DOCK3: variants seen among roughly 807,000 people sequenced by gnomAD.
DOCK3 encodes dedicator of cytokinesis protein 3.
Under a neutral mutation model 265.6 loss-of-function variants are expected in DOCK3, and 60 were observed. That is an observed-to-expected ratio of 0.23 (90% confidence interval 0.18 to 0.28). The LOEUF is 0.28. Ranked by LOEUF, DOCK3 falls within the 10% of genes least tolerant of loss-of-function variation. The pLI is 1.00. For synonymous variants in DOCK3, 881 were observed against 938.0 expected, an observed-to-expected ratio of 0.94 and a Z score of 1.11; for missense variants, 1,981 against 2,594.3, an observed-to-expected ratio of 0.76 and a Z score of 5.14.
At chr3:50,875,993 C>A (rs1011550196) in intron 3 of DOCK3, among the ~76,000 whole-genome samples, 2 of 151,956 alleles carry the variant, frequency 1.3e-5, no homozygotes, top group African/African-American at 2.4e-5. Context: ...AAAAAAAATT[C>A]TTTACCATCG....
At chr3:51,165,853 A>G (rs917046341) in intron 12 of DOCK3, among the ~76,000 whole-genome samples, 2 of 151,896 alleles carry the variant, frequency 1.3e-5, no homozygotes, top group Non-Finnish European at 2.9e-5. Context: ...TATTTATTAT[A>G]TTTCAAAAGA....
chr3:50,989,461 C>T (rs13093289), intron 5 of DOCK3, among the ~76,000 whole-genome samples: 14,448 of 152,178 alleles, frequency 0.095, 853 homozygotes, highest in Non-Finnish European at 0.12. Flanking sequence ...AGGGGAGCCA[C>T]ACAACCAAGG....
Position 50,841,675 on chromosome 3 carries a change from G to A in DOCK3, c.122G>A (p.Gly41Asp). 2 of 1,301,096 alleles carry A rather than the reference G, an allele frequency of 1.5e-6. No homozygotes were observed. Among genetic ancestry groups the A allele is most frequent in the Non-Finnish European group, 2.0e-6 (2 of 990,654 alleles). The allele number at this position is 1,301,096 out of a possible 1,614,324, so 80.6% of individuals were successfully genotyped here. ...ETVQILEKCE[G>D]WYRGVSTKKP... The stretch of plus-strand genomic sequence containing the variant: ...AATATTCTCTTATGCTTTGTTTTAG[G>A]TTGGTACAGAGGAGTTTCAACAAAG... Residue 41 changes from glycine (G) to aspartate (D), a missense_variant and splice_region_variant, in exon 3 of 53, where the codon GGT becomes GAT. This residue lies in a region of DOCK3 where 456 missense variants were observed against 539.0 expected (regional missense o/e 0.85). Coordinates refer to ENST00000266037, the MANE Select transcript of DOCK3 (RefSeq NM_004947.5).
intron 5 of DOCK3, among the ~76,000 whole-genome samples, chr3:51,012,304 G>A (rs1454890693): frequency 2.0e-5 from 3 of 152,132 alleles, no homozygotes; most frequent in African/African-American, 7.2e-5. Flanking sequence ...CACCCAGTTC[G>A]AGCTTCGAGG....
intron 5 of DOCK3, among the ~76,000 whole-genome samples, chr3:51,022,471 C>T (rs891188992): frequency 1.1e-4 from 16 of 152,146 alleles, no homozygotes; most frequent in African/African-American, 3.6e-4. Flanking sequence ...TGCTTCTGCT[C>T]CATTTTTCTT....
At chr3:50,915,547 C>G (rs939152222) in intron 4 of DOCK3, among the ~76,000 whole-genome samples, 1 of 152,038 alleles carries the variant, frequency 6.6e-6, no homozygotes. Flanking sequence ...TTCTGTTTCT[C>G]TGGGATATGG....
chr3:51,352,804 T>C (rs546387518), intron 40 of DOCK3, among the ~76,000 whole-genome samples: 3 of 152,274 alleles, frequency 2.0e-5, no homozygotes, highest in Non-Finnish European at 2.9e-5. Flanking sequence ...GCCAGATCTG[T>C]CTTTTGTGGG....
At chr3:51,047,983 A>C (rs1055758964) in intron 5 of DOCK3, among the ~76,000 whole-genome samples, 1 of 152,144 alleles carries the variant, frequency 6.6e-6, no homozygotes, top group Non-Finnish European at 1.5e-5. Context: ...AAAAACCCTC[A>C]AAAAAATATT....
At chr3:51,281,274 AATATAT>A (rs56084027) in intron 27 of DOCK3, among the ~76,000 whole-genome samples, 108 of 125,664 alleles carry the variant, frequency 8.6e-4, no homozygotes, top group South Asian at 2.7e-3. Flanking sequence ...GATGAGCTAA[AATATAT>A]ATATATATAT....
intron 10 of DOCK3, among the ~76,000 whole-genome samples, chr3:51,157,086 A>G (rs1176062399): frequency 1.3e-5 from 2 of 152,178 alleles, no homozygotes; most frequent in Admixed American, 6.5e-5. Flanking sequence ...TGGGGCCTGA[A>G]ACATCCTTTT....
intron 7 of DOCK3, 67 bp downstream of exon 7, chr3:51,075,507 C>G (rs1220568348): frequency 9.0e-6 from 12 of 1,338,184 alleles, no homozygotes; most frequent in Non-Finnish European, 1.2e-5. Flanking sequence ...TTTATTTTCT[C>G]TAATGTTATG....
At chr3:51,369,955 TC>T (rs1050363926) in intron 49 of DOCK3, among the ~76,000 whole-genome samples, 2 of 152,092 alleles carry the variant, frequency 1.3e-5, no homozygotes, top group African/African-American at 4.8e-5. Flanking sequence ...CCATATTGCC[TC>T]CCTAGCATGG....
chr3:50,776,044 A>G (rs2041576446), intron 1 of DOCK3, among the ~76,000 whole-genome samples: 1 of 152,140 alleles, frequency 6.6e-6, no homozygotes, highest in Non-Finnish European at 1.5e-5. Flanking sequence ...TGCTGCTATA[A>G]ATATGCATGT....
intron 3 of DOCK3, among the ~76,000 whole-genome samples, chr3:50,887,060 T>C (rs965266925): frequency 2.0e-5 from 3 of 151,764 alleles, no homozygotes; most frequent in Admixed American, 6.6e-5. Flanking sequence ...TTCAAAAAAT[T>C]AATGAATCCA....
chr3:50,930,051 A>G (rs544842769), intron 4 of DOCK3, among the ~76,000 whole-genome samples: 2 of 152,306 alleles, frequency 1.3e-5, no homozygotes, highest in African/African-American at 4.8e-5. Flanking sequence ...TTACCAAAGT[A>G]GCTTAGCTAG....
intron 3 of DOCK3, among the ~76,000 whole-genome samples, chr3:50,858,422 TATA>T (rs149503894): frequency 0.012 from 1,521 of 124,038 alleles, 12 homozygotes; most frequent in Middle Eastern, 0.024. Context: ...TAACTTAAAA[TATA>T]ATAATAATAA....
intron 1 of DOCK3, among the ~76,000 whole-genome samples, chr3:50,703,652 A>G (rs1164411186): frequency 6.6e-6 from 1 of 151,884 alleles, no homozygotes; most frequent in Non-Finnish European, 1.5e-5. Context: ...TCTTTTATGT[A>G]TCTGTGGTAT....
Position 51,090,285 on chromosome 3 carries a change from A to G in DOCK3, c.647A>G (p.His216Arg), listed in dbSNP as rs759635635. 5 of 1,600,172 alleles carry G rather than the reference A, an allele frequency of 3.1e-6. No homozygotes were observed. Among genetic ancestry groups the G allele is most frequent in the Non-Finnish European group, 4.3e-6 (5 of 1,172,980 alleles). The change falls in exon 9 of 53, where the codon CAC (histidine) becomes CGC (arginine). Residue 216 changes from histidine to arginine, a missense_variant. His to Arg is a conservative substitution (Grantham distance 29). Coordinates refer to ENST00000266037, the MANE Select transcript of DOCK3 (RefSeq NM_004947.5). ...ACATGTCGGATGCCAGTGCCACATC[A>G]CTTCTTCCTCAGCCTGAAGAGTTTC... ...GETCRMPVPHHFFLSLKSFTY... is the reference protein window; with the variant it reads ...GETCRMPVPHRFFLSLKSFTY...
chr3:50,982,228 T>C (rs2077720589), intron 5 of DOCK3, among the ~76,000 whole-genome samples: 1 of 152,234 alleles, frequency 6.6e-6, no homozygotes, highest in Non-Finnish European at 1.5e-5. Flanking sequence ...CCATTCGGTC[T>C]GTATATTTTA....
Sources: allele counts gnomAD v4.1 joint callset (sites outside exome capture counted in the v4.1 genomes callset), GRCh38; gene constraint gnomAD v4.1.1; regional missense constraint gnomAD v4.1.1; transcripts MANE v1.5; gene names NCBI Gene and HGNC (gene_info 2026-07-23, HGNC 2026-07-21).